PWWP2B: variants seen among roughly 807,000 people sequenced by gnomAD.
The protein encoded by PWWP2B is PWWP domain-containing protein 2B.
PWWP2B carries 9 observed loss-of-function variants against 15.5 expected under a neutral mutation model. The observed-to-expected ratio is 0.58, with a 90% CI of 0.35 to 1.02. PWWP2B has a LOEUF of 1.02. Ranked by LOEUF, PWWP2B falls within the 50% of genes least tolerant of loss-of-function variation. The probability of loss-of-function intolerance (pLI) is 0.02; values close to 1 mark genes in which losing one functional copy is unlikely to be tolerated. For missense variants in PWWP2B, 864 were observed against 865.3 expected (o/e 1.00, Z 0.02); for synonymous variants, 474 against 403.6 (o/e 1.17, Z -2.09).
chr10:132,417,838 A>G lies in PWWP2B; in HGVS notation c.*794A>G, dbSNP rs1413784599. ...TTTGTCACTTTAAAGACCAAAAAGA[A>G]TAAAGAAAGAAAAGAAAAAAATTAA... is the stretch of plus-strand genomic sequence containing the variant. On this transcript the variant is annotated 3_prime_UTR_variant, in exon 3 of 3. Coordinates refer to ENST00000305233, the MANE Select transcript of PWWP2B (RefSeq NM_138499.4). The G allele has an allele frequency of 6.6e-6, 1 of 152,298 alleles. No homozygotes were observed. The highest frequency in any genetic ancestry group is 1.9e-4 in the East Asian group (1 of 5,206). The allele number at this position is 152,298 out of a possible 1,614,324, so 9.4% of individuals were successfully genotyped here.
intron 2 of PWWP2B, among the ~76,000 whole-genome samples, chr10:132,407,225 G>A (rs188403470): frequency 2.4e-4 from 37 of 152,270 alleles, no homozygotes; most frequent in African/African-American, 8.2e-4. Flanking sequence ...TGCCCCTCTT[G>A]TCTTCCCAGC....
rs145344819 is a variant in PWWP2B at position 132,405,745 on chromosome 10, G to A, written c.1245G>A (p.Ala415=). The part of the protein sequence containing the change: ...AFLVSCPEGR[A]DCASESACSS... ...TCGTCAGCTGCCCTGAGGGGAGAGC[G>A]GACTGTGCCAGTGAGTCGGCGTGCA... Residue 415 remains alanine (A), a synonymous_variant, in exon 2 of 3, where the codon GCG becomes GCA. Coordinates refer to ENST00000305233, the MANE Select transcript of PWWP2B (RefSeq NM_138499.4). The A allele has an allele frequency of 1.3e-5, 21 of 1,608,848 alleles. No individual in the cohort carries two copies. The highest frequency in any genetic ancestry group is 3.3e-4 in the Middle Eastern group (2 of 6,084).
At chr10:132,409,960 T>C in intron 2 of PWWP2B, among the ~76,000 whole-genome samples, 1 of 151,792 alleles carries the variant, frequency 6.6e-6, no homozygotes, top group Non-Finnish European at 1.5e-5. Context: ...TTCCAGGGGT[T>C]GCGGAGGTGG....
rs2069694845 is a variant in PWWP2B at position 132,406,051 on chromosome 10, GGAC to G, written c.1553_1555del (p.Asp518del). On this transcript the variant is annotated inframe_deletion, in exon 2 of 3. Transcript: ENST00000305233. ...TTGACATCAGTCTCGGCCAGAAGGA[GGAC>G]GGAGAGCCGTCTTGGCGAGAAGCGA... The G allele has an allele frequency of 6.2e-7, 1 of 1,613,708 alleles. No homozygotes were observed.
intron 1 of PWWP2B, among the ~76,000 whole-genome samples, chr10:132,398,834 G>A (rs986313491): frequency 1.3e-5 from 2 of 152,334 alleles, no homozygotes; most frequent in African/African-American, 2.4e-5. Context: ...GGGCCTCTGC[G>A]GGCACAGCCA....
chr10:132,404,507 A>G (rs1318533027), intron 1 of PWWP2B, 119 bp from the exon 2 acceptor site: 1 of 821,820 alleles, frequency 1.2e-6, no homozygotes, highest in Non-Finnish European at 2.0e-6. Context: ...GACTCAGGGC[A>G]TGGCTCGCTG....
rs765347010 is a variant in PWWP2B at position 132,404,672 on chromosome 10, G to A, written c.172G>A (p.Asp58Asn). ...CCCGTTGGCTCCGCTGCCCCAGGTC[G>A]ATGAGTCCCCTGTCAACGACAGCCA... ...LPPLAPLPQV[D>N]ESPVNDSHGR... Residue 58 changes from aspartate (D) to asparagine (N), a missense_variant, in exon 2 of 3, where the codon GAT (aspartate) becomes AAT (asparagine). By Grantham distance (23) the Asp-to-Asn change is conservative. Coordinates refer to ENST00000305233, the MANE Select transcript of PWWP2B (RefSeq NM_138499.4). 7.4e-6 allele frequency: 12 copies of A among 1,612,576 alleles called. No individual in the cohort carries two copies. The highest frequency in any genetic ancestry group is 6.7e-5 in the East Asian group (3 of 44,870).
At chr10:132,403,401 C>T (rs926510007) in intron 1 of PWWP2B, among the ~76,000 whole-genome samples, 7 of 152,226 alleles carry the variant, frequency 4.6e-5, no homozygotes, top group South Asian at 2.1e-4. Context: ...ACCAGTTACG[C>T]GTGTTCCCTG....
At chr10:132,408,545 C>T (rs1021622528) in intron 2 of PWWP2B, among the ~76,000 whole-genome samples, 2 of 152,174 alleles carry the variant, frequency 1.3e-5, no homozygotes, top group Admixed American at 1.3e-4. Context: ...GCAGGGAGGC[C>T]TTCCGGGGAA....
At position 132,397,335 on chromosome 10, in the gene PWWP2B, C is replaced by G; in HGVS notation, c.109C>G (p.Leu37Val). Reference sequence around the variant, plus strand: ...CGAGCGGAGCTTCGCGGGGATCCTGCTGGACTGCACGAAAAAGTGAGCGGG... The same window carrying G: ...CGAGCGGAGCTTCGCGGGGATCCTGGTGGACTGCACGAAAAAGTGAGCGGG... ...CGERSFAGIL[L>V]DCTKKSGLFG... Residue 37 changes from leucine to valine, a missense_variant, in exon 1 of 3, where the codon CTG becomes GTG. By Grantham distance (32) the Leu-to-Val change is conservative. This residue lies in a region of PWWP2B where 736 missense variants were observed against 687.7 expected (regional missense o/e 1.07). Transcript: ENST00000305233. The G allele has an allele frequency of 7.2e-7, 1 of 1,386,558 alleles. No individual in the cohort carries two copies. Among genetic ancestry groups the G allele is most frequent in the Non-Finnish European group, 9.4e-7 (1 of 1,061,802 alleles). The allele number at this position is 1,386,558 out of a possible 1,614,324, so 85.9% of individuals were successfully genotyped here.
At chr10:132,414,930 G>A (rs146794738) in intron 2 of PWWP2B, among the ~76,000 whole-genome samples, 126 of 152,268 alleles carry the variant, frequency 8.3e-4, no homozygotes, top group East Asian at 6.7e-3. Flanking sequence ...CGGGGCCTCC[G>A]AGAGCCTCCT....
intron 2 of PWWP2B, among the ~76,000 whole-genome samples, chr10:132,416,146 G>T (rs969337214): frequency 3.9e-5 from 6 of 152,174 alleles, no homozygotes; most frequent in African/African-American, 1.4e-4. Context: ...ACAGGGGCAG[G>T]TCCCTCCAGT....
chr10:132,415,089 G>C (rs546142855), intron 2 of PWWP2B, among the ~76,000 whole-genome samples: 1 of 152,194 alleles, frequency 6.6e-6, no homozygotes, highest in East Asian at 1.9e-4. Flanking sequence ...ATTTCTAGAC[G>C]ATGTACTGCT....
In PWWP2B at chr10:132,405,052, G is replaced by T. The variant is rs574795432; in HGVS notation, c.552G>T (p.Thr184=). ...RQVLCEKCKS[T]LSPPEASPGP... is the part of the protein sequence containing the mutation. ...TGCTCTGTGAGAAGTGCAAGAGCAC[G>T]CTGAGCCCCCCGGAGGCCAGCCCCG... Residue 184 remains threonine (T), a synonymous_variant, in exon 2 of 3, where the codon ACG becomes ACT. Coordinates refer to ENST00000305233, the MANE Select transcript of PWWP2B (RefSeq NM_138499.4). The T allele has an allele frequency of 1.1e-4, 172 of 1,514,686 alleles. 3 individuals carry two copies. The South Asian group carries it at 1.2e-3, about 10-fold the overall frequency. The allele number at this position is 1,514,686 out of a possible 1,614,324, so 93.8% of individuals were successfully genotyped here. A position where few individuals can be genotyped will look rare whatever the true frequency, so the allele number is the denominator to read the frequency against.
Position 132,404,632 on chromosome 10 carries a change from C to G in PWWP2B, c.132C>G (p.Gly44=), listed in dbSNP as rs938774212. 6.2e-7 allele frequency: 1 copy of G among 1,612,676 alleles called. No homozygotes were observed. The highest frequency in any genetic ancestry group is 1.3e-5 in the African/African-American group (1 of 74,880). The change falls in exon 2 of 3, where the codon GGC becomes GGG. Residue 44 remains glycine (G), a synonymous_variant. Transcript: ENST00000305233. ...TCTCTCTCTCCATTGCCAGGTCCGG[C>G]CTCTTTGGCCTACCCCCGTTGGCTC... ...GILLDCTKKS[G]LFGLPPLAPL...
At chr10:132,398,886 C>T (rs1365692695) in intron 1 of PWWP2B, among the ~76,000 whole-genome samples, 1 of 152,160 alleles carries the variant, frequency 6.6e-6, no homozygotes, top group Non-Finnish European at 1.5e-5. Context: ...CCCCCTTGTC[C>T]TTGTGGGGAA....
intron 2 of PWWP2B, among the ~76,000 whole-genome samples, chr10:132,414,621 C>T (rs1230519904): frequency 6.6e-6 from 1 of 152,202 alleles, no homozygotes; most frequent in African/African-American, 2.4e-5. Context: ...GCCTCTACCT[C>T]GCTGTCAGCC....
chr10:132,408,041 C>T (rs74383458), intron 2 of PWWP2B, among the ~76,000 whole-genome samples: 14 of 152,290 alleles, frequency 9.2e-5, no homozygotes, highest in Non-Finnish European at 1.9e-4. Flanking sequence ...GGCTCAGGGC[C>T]GGCTGTGTTT....
intron 1 of PWWP2B, among the ~76,000 whole-genome samples, chr10:132,403,060 G>A (rs2069633398): frequency 6.6e-6 from 1 of 152,248 alleles, no homozygotes; most frequent in African/African-American, 2.4e-5. Context: ...GCTTCCCACG[G>A]CTGCTGCAGG....
Sources: gnomAD v4.1 joint callset for allele counts (sites outside exome capture counted in the v4.1 genomes callset) on GRCh38, gnomAD v4.1.1 for gene constraint, gnomAD v4.1.1 regional missense constraint, MANE v1.5 for transcripts, NCBI Gene and HGNC (gene_info 2026-07-23, HGNC 2026-07-21) for gene names.